HMGB1: variants seen among roughly 807,000 people sequenced by gnomAD.
HMGB1 encodes high mobility group protein B1.
For synonymous variants in HMGB1, 81 were observed against 84.0 expected, an observed-to-expected ratio of 0.96 and a Z score of 0.19; for missense variants, 79 against 253.5, an observed-to-expected ratio of 0.31 and a Z score of 4.67.
At chr13:30,553,098 G>C (rs1869504280) in intron 1 of HMGB1, among the ~76,000 whole-genome samples, 1 of 152,168 alleles carries the variant, frequency 6.6e-6, no homozygotes, top group Admixed American at 6.5e-5. Flanking sequence ...GCCCAGGGTG[G>C]CCAATTCTGA....
intron 1 of HMGB1, among the ~76,000 whole-genome samples, chr13:30,558,591 A>G (rs1014343162): frequency 1.3e-5 from 2 of 152,306 alleles, no homozygotes; most frequent in Admixed American, 1.3e-4. Context: ...TTTAGCAATA[A>G]TCCTAGTTGT....
intron 1 of HMGB1, among the ~76,000 whole-genome samples, chr13:30,480,010 C>T (rs1469464571): frequency 6.6e-6 from 1 of 152,228 alleles, no homozygotes; most frequent in Non-Finnish European, 1.5e-5. Flanking sequence ...CAAACTGGAC[C>T]TTGTACTTTC....
At chr13:30,526,874 G>C (rs1031981847) in intron 1 of HMGB1, among the ~76,000 whole-genome samples, 6 of 152,252 alleles carry the variant, frequency 3.9e-5, no homozygotes, top group African/African-American at 1.4e-4. Context: ...TGATTTAGCA[G>C]CACTTGGCAC....
At chr13:30,524,270 T>C (rs1043212438) in intron 1 of HMGB1, among the ~76,000 whole-genome samples, 1 of 145,392 alleles carries the variant, frequency 6.9e-6, no homozygotes, top group Non-Finnish European at 1.5e-5. Context: ...CAAACCACCA[T>C]AGCACATGTA....
intron 1 of HMGB1, among the ~76,000 whole-genome samples, chr13:30,521,006 T>C (rs181151089): frequency 6.6e-6 from 1 of 152,342 alleles, no homozygotes; most frequent in Admixed American, 6.5e-5. Flanking sequence ...TGGACACTAG[T>C]GCTTTTGATG....
chr13:30,597,295 G>A (rs765267136), intron 1 of HMGB1, among the ~76,000 whole-genome samples: 3 of 152,126 alleles, frequency 2.0e-5, no homozygotes, highest in Non-Finnish European at 4.4e-5. Context: ...GGCAGAGACC[G>A]GGGCGGTACA....
rs1886461302 is a variant in HMGB1 at position 30,463,090 on chromosome 13, T to C, written c.296+117A>G. On this transcript the variant is annotated intron_variant, in intron 3 of 4. Coordinates refer to ENST00000341423, the MANE Select transcript of HMGB1 (RefSeq NM_002128.7). ...AAATATAACCAATATGAACAAGTAT[T>C]AGCTAAGAAACTTTGATTGTACATT... The C allele has an allele frequency of 3.9e-5, 39 of 1,009,904 alleles. 1 individual carries two copies. In the South Asian group the frequency reaches 5.4e-4, roughly 14 times the overall value. 62.6% of individuals were successfully genotyped at this position (1,009,904 alleles called of 1,614,324 possible).
At chr13:30,465,508 ATTTT>A (rs1319113349) in intron 1 of HMGB1, among the ~76,000 whole-genome samples, 2 of 146,404 alleles carry the variant, frequency 1.4e-5, no homozygotes, top group Non-Finnish European at 3.0e-5. Context: ...TAAAAAAAAA[ATTTT>A]TTTTTTTGCG....
intron 1 of HMGB1, among the ~76,000 whole-genome samples, chr13:30,524,178 G>T (rs1482253232): frequency 6.6e-6 from 1 of 151,864 alleles, no homozygotes; most frequent in Non-Finnish European, 1.5e-5. Context: ...TCACACACCA[G>T]GGCCTGTCAA....
chr13:30,538,653 TTC>T lies in HMGB1; in HGVS notation c.-14-74961_-14-74960del, dbSNP rs1491542955. ...TCTTTTTCTTTCTTCCTTTCTTTCT[TTC>T]TTTCTTTCCTTTCTTTCTTTCTTTC... On this transcript the variant is annotated intron_variant, in intron 1 of 4. Transcript: ENST00000405805. Among the ~76,000 whole-genome samples the T allele has an allele frequency of 2.6e-4, 18 of 69,390 alleles. 1 individual carries two copies. Among genetic ancestry groups the T allele is most frequent in the African/African-American group, 1.5e-3 (18 of 11,924 alleles). The allele number at this position is 69,390 out of a possible 152,430, so 45.5% of individuals were successfully genotyped here.
intron 1 of HMGB1, among the ~76,000 whole-genome samples, chr13:30,483,904 G>A (rs913654527): frequency 3.3e-5 from 5 of 152,112 alleles, no homozygotes; most frequent in Non-Finnish European, 5.9e-5. Context: ...TTGAGCTACT[G>A]CACCCAGCCG....
In HMGB1 at chr13:30,579,162, G is replaced by T. The variant is rs1566030701; in HGVS notation, c.-15+37509C>A. On this transcript the variant is annotated intron_variant, in intron 1 of 4. Transcript: ENST00000405805. Reference sequence around the variant, plus strand: ...GTTTGTAATTTTTAAATAAGTTAATGAACGGAATGGCTAGAAAAAGTGAGA... The same window carrying T: ...GTTTGTAATTTTTAAATAAGTTAATTAACGGAATGGCTAGAAAAAGTGAGA... Among the ~76,000 whole-genome samples, 3 of 152,188 alleles carry T rather than the reference G, an allele frequency of 2.0e-5. No homozygotes were observed. The South Asian group carries it at 6.2e-4, about 31-fold the overall frequency.
chr13:30,516,138 C>A (rs1050261877), intron 1 of HMGB1, among the ~76,000 whole-genome samples: 1 of 152,082 alleles, frequency 6.6e-6, no homozygotes, highest in African/African-American at 2.4e-5. Context: ...AATATACTTA[C>A]GACAGAATCT....
chr13:30,554,051 G>T, intron 1 of HMGB1: 1 of 1,398,830 alleles, frequency 7.1e-7, no homozygotes, highest in Non-Finnish European at 1.0e-6. Context: ...CGCAGTACTG[G>T]CCAACAGATG....
At chr13:30,542,725 C>A in intron 1 of HMGB1, 1 of 224,596 alleles carries the variant, frequency 4.5e-6, no homozygotes. Flanking sequence ...CCTCATCCGC[C>A]TCATCAGAGG....
Position 30,606,487 on chromosome 13 carries a change from T to C in HMGB1, c.-15+10184A>G, listed in dbSNP as rs553205658. Reference sequence around the variant, plus strand: ...CAAACCAAACATTTTATTGATCATATTACATTTGGAAAGCAAAATGAATTT... The same window carrying C: ...CAAACCAAACATTTTATTGATCATACTACATTTGGAAAGCAAAATGAATTT... On this transcript the variant is annotated intron_variant, in intron 1 of 4. Transcript: ENST00000405805. Among the ~76,000 whole-genome samples the C allele has an allele frequency of 2.6e-5, 4 of 152,290 alleles. No homozygotes were observed. The South Asian group carries it at 8.3e-4, about 32-fold the overall frequency.
At chr13:30,471,164 G>T (rs920055823) in intron 1 of HMGB1, among the ~76,000 whole-genome samples, 1 of 151,386 alleles carries the variant, frequency 6.6e-6, no homozygotes, top group Non-Finnish European at 1.5e-5. Context: ...TAGAGACAGG[G>T]TTTCATTATA....
At chr13:30,475,970 G>A (rs1887086721) in intron 1 of HMGB1, among the ~76,000 whole-genome samples, 1 of 152,114 alleles carries the variant, frequency 6.6e-6, no homozygotes, top group Non-Finnish European at 1.5e-5. Context: ...TTGAGTTGGG[G>A]CCTAAGCATT....
intron 1 of HMGB1, among the ~76,000 whole-genome samples, chr13:30,522,595 T>TG (rs1292214359): frequency 6.6e-6 from 1 of 152,176 alleles, no homozygotes; most frequent in Non-Finnish European, 1.5e-5. Context: ...TTAGGTGATA[T>TG]GGCATGGCTA....
Sources: allele counts gnomAD v4.1 joint callset (sites outside exome capture counted in the v4.1 genomes callset), GRCh38; gene constraint gnomAD v4.1.1; transcripts MANE v1.5; gene names NCBI Gene and HGNC (gene_info 2026-07-23, HGNC 2026-07-21).